The following NFATC2 variants were observed in gnomAD, a reference collection of about 807,000 sequenced individuals.
NFATC2 encodes nuclear factor of activated T-cells, cytoplasmic 2.
NFATC2 carries 22 observed loss-of-function variants against 87.3 expected under a neutral mutation model. That is an observed-to-expected ratio of 0.25 (90% CI 0.18 to 0.36). The LOEUF is 0.36. Among genes scored for constraint, NFATC2 ranks in the 10% least tolerant of loss-of-function variants. The pLI, the probability that NFATC2 is intolerant of heterozygous loss-of-function variation, is 1.00. For missense variants in NFATC2, 1,149 were observed against 1,259.1 expected, an observed-to-expected ratio of 0.91 and a Z score of 1.32; for synonymous variants, 565 against 542.2, an observed-to-expected ratio of 1.04 and a Z score of -0.58.
chr20:51,522,941 G>C (rs2076472587), intron 2 of NFATC2, 140 bp downstream of exon 2: 1 of 1,205,368 alleles, frequency 8.3e-7, no homozygotes. Flanking sequence ...TCAGGGTCTC[G>C]CAACCAGCAA....
Position 51,408,507 on chromosome 20 carries a change from C to CT in NFATC2, c.2723-9778dup, listed in dbSNP as rs760936981. ...CCAGCCTGGGGGACTGAGCAAGACT[C>CT]TTTTTAAAAAAAAAAAAAAAAAAAG... On this transcript the variant is annotated intron_variant, in intron 9 of 10. Transcript: ENST00000371564. 3.9e-3 allele frequency among the ~76,000 whole-genome samples: 174 copies of CT among 44,406 alleles called. 6 individuals are homozygous for CT. Among genetic ancestry groups the CT allele is most frequent in the African/African-American group, 0.014 (165 of 12,110 alleles). The allele number at this position is 44,406 out of a possible 152,430, so 29.1% of individuals were successfully genotyped here. A position where few individuals can be genotyped will look rare whatever the true frequency, so the allele number is the denominator to read the frequency against.
chr20:51,557,397 C>T lies in NFATC2; in HGVS notation c.70+5163G>A, dbSNP rs143156795. On this transcript the variant is annotated intron_variant, in intron 1 of 10. Coordinates refer to the NFATC2 transcript ENST00000414705. ...ATCTCCCTGTACAAAATGGGGAGGACGGGAGAGAGGATGCTTGAGGTGGCA... is the reference window on the plus strand; with the variant it reads ...ATCTCCCTGTACAAAATGGGGAGGATGGGAGAGAGGATGCTTGAGGTGGCA... Among the ~76,000 whole-genome samples, 634 of 152,190 alleles carry T rather than the reference C, an allele frequency of 4.2e-3. 2 individuals carry two copies. Among genetic ancestry groups the T allele is most frequent in the Non-Finnish European group, 6.7e-3 (455 of 67,998 alleles).
intron 9 of NFATC2, among the ~76,000 whole-genome samples, chr20:51,421,392 G>T (rs916459652): frequency 7.9e-5 from 12 of 152,232 alleles, no homozygotes; most frequent in African/African-American, 2.9e-4. Flanking sequence ...ATGAGCCTTG[G>T]ATATGTGTGG....
chr20:51,436,966 A>G (rs945513391), intron 6 of NFATC2, among the ~76,000 whole-genome samples: 1 of 152,108 alleles, frequency 6.6e-6, no homozygotes. Context: ...AAGAGCAGAA[A>G]GACAGGGGCT....
intron 1 of NFATC2, among the ~76,000 whole-genome samples, chr20:51,554,928 T>C (rs2076964909): frequency 6.6e-6 from 1 of 151,992 alleles, no homozygotes. Flanking sequence ...TCTGAAGTGG[T>C]TCGAATATTC....
At chr20:51,542,950 G>C (rs553037648), upstream of NFATC2, among the ~76,000 whole-genome samples, 133 of 152,244 alleles carry the variant, frequency 8.7e-4, no homozygotes, top group African/African-American at 3.0e-3. Flanking sequence ...CTCCACGGGT[G>C]AGTGCGACAC....
intron 1 of NFATC2, among the ~76,000 whole-genome samples, chr20:51,555,491 G>T (rs1273801663): frequency 6.6e-6 from 1 of 152,026 alleles, no homozygotes; most frequent in Non-Finnish European, 1.5e-5. Context: ...TACTTGGGAG[G>T]CTGAAGCAGG....
At position 51,480,235 on chromosome 20, in the gene NFATC2, C is replaced by G. The variant is rs1039360227; in HGVS notation, c.1333-4575G>C. On this transcript the variant is annotated intron_variant, in intron 3 of 10. Coordinates refer to ENST00000371564, the MANE Select transcript of NFATC2 (RefSeq NM_012340.5). This position sits in a 1 kb window ranked among gnomAD's most constrained non-coding sequence, Gnocchi z 4.2. ...CCCGGGGGTTGGAGGTGGCAGTGAG[C>G]CGATATTGCACCACTGCACTCCCGC... Among the ~76,000 whole-genome samples the G allele has an allele frequency of 6.6e-6, 1 of 152,062 alleles. No homozygotes were observed. The highest frequency in any genetic ancestry group is 2.4e-5 in the African/African-American group (1 of 41,356).
At chr20:51,446,571 G>A (rs755796882) in intron 6 of NFATC2, among the ~76,000 whole-genome samples, 2 of 152,222 alleles carry the variant, frequency 1.3e-5, no homozygotes, top group Admixed American at 6.5e-5. Flanking sequence ...GACACAATGA[G>A]TGTTCTAACT....
chr20:51,415,994 A>G lies in NFATC2; in HGVS notation c.2722+16073T>C, dbSNP rs551481382. Among the ~76,000 whole-genome samples, 14 of 151,986 alleles carry G rather than the reference A, an allele frequency of 9.2e-5. No homozygotes were observed. In the East Asian group the frequency reaches 2.7e-3, roughly 29 times the overall value. On this transcript the variant is annotated intron_variant, in intron 9 of 10. Transcript: ENST00000371564. ...CCAGAGATAGCTGCCAGGTGTGGTG[A>G]CTCGTGCCTGTAATCCCAGCACTTT...
intron 1 of NFATC2, among the ~76,000 whole-genome samples, chr20:51,538,707 G>C (rs1197288589): frequency 6.6e-6 from 1 of 152,002 alleles, no homozygotes; most frequent in Non-Finnish European, 1.5e-5. Context: ...CAAAAGCAAG[G>C]GTTTACTAAA....
chr20:51,392,529 G>A (rs1322208391), intron 10 of NFATC2, among the ~76,000 whole-genome samples: 1 of 152,178 alleles, frequency 6.6e-6, no homozygotes, highest in Non-Finnish European at 1.5e-5. Flanking sequence ...ATTGGTGACA[G>A]CCCATCCATG....
intron 5 of NFATC2, among the ~76,000 whole-genome samples, chr20:51,464,534 G>T (rs1987481712): frequency 6.6e-6 from 1 of 152,182 alleles, no homozygotes; most frequent in African/African-American, 2.4e-5. Flanking sequence ...TCTGAAATAG[G>T]GCTTCTTGGT....
At chr20:51,546,233 T>A (rs1417648287), upstream of NFATC2, among the ~76,000 whole-genome samples, 1 of 152,198 alleles carries the variant, frequency 6.6e-6, no homozygotes, top group African/African-American at 2.4e-5. Context: ...GAGTCTGGAC[T>A]ATTGTAGTCA....
chr20:51,422,834 G>A (rs1329601500), intron 9 of NFATC2, among the ~76,000 whole-genome samples: 3 of 152,178 alleles, frequency 2.0e-5, no homozygotes, highest in Non-Finnish European at 4.4e-5. Flanking sequence ...GGTGGGAAGG[G>A]AAGGAGCACA....
intron 3 of NFATC2, among the ~76,000 whole-genome samples, chr20:51,500,530 C>G (rs888932611): frequency 6.6e-6 from 1 of 151,552 alleles, no homozygotes; most frequent in South Asian, 2.1e-4. Context: ...CCTACCCACT[C>G]GTTTTAGGGC....
At chr20:51,538,861 C>T (rs1409977608) in intron 1 of NFATC2, among the ~76,000 whole-genome samples, 2 of 152,160 alleles carry the variant, frequency 1.3e-5, no homozygotes, top group South Asian at 2.1e-4. Flanking sequence ...ATGACTTGCT[C>T]AAGATCACCT....
intron 5 of NFATC2, among the ~76,000 whole-genome samples, chr20:51,470,798 T>C (rs935054177): frequency 2.0e-5 from 3 of 152,248 alleles, no homozygotes; most frequent in Non-Finnish European, 4.4e-5. Context: ...TACATATTTA[T>C]GGACCTACTA....
rs905656261 is a variant in NFATC2, at chr20:51,480,412, G to A, written c.1333-4752C>T. ...AACAGCAACCTAAACAAACAAAAAC[G>A]GTAGTTCCTTGAGAGAAAAACCTCT... On this transcript the variant is annotated intron_variant, in intron 3 of 10. Coordinates refer to ENST00000371564, the MANE Select transcript of NFATC2 (RefSeq NM_012340.5). This position sits in a 1 kb window ranked among gnomAD's most constrained non-coding sequence, Gnocchi z 4.2. Among the ~76,000 whole-genome samples, 4 of 152,124 alleles carry A rather than the reference G, an allele frequency of 2.6e-5. No individual in the cohort carries two copies. The highest frequency in any genetic ancestry group is 4.8e-5 in the African/African-American group (2 of 41,426).
Sources: allele counts gnomAD v4.1 joint callset (sites outside exome capture counted in the v4.1 genomes callset), GRCh38; gene constraint gnomAD v4.1.1; non-coding constraint Gnocchi (gnomAD v3.1); transcripts MANE v1.5; gene names NCBI Gene and HGNC (gene_info 2026-07-23, HGNC 2026-07-21).